The following ITPR2 variants were observed in gnomAD, a reference collection of about 807,000 sequenced individuals.
The protein encoded by ITPR2 is inositol 1,4,5-trisphosphate receptor type 2.
A neutral mutation model predicts 317.1 loss-of-function variants in ITPR2; 207 were observed. That is an observed-to-expected ratio of 0.65 (90% CI 0.58 to 0.73). The LOEUF is 0.73. Ranked by LOEUF, ITPR2 falls within the 30% of genes least tolerant of loss-of-function variation. The probability of loss-of-function intolerance (pLI) is 0.00; values close to 1 mark genes in which losing one functional copy is unlikely to be tolerated. For missense variants in ITPR2, 2,613 were observed against 3,284.0 expected (o/e 0.80, Z 4.99); for synonymous variants, 1,156 against 1,149.1 (o/e 1.01, Z -0.12).
intron 37 of ITPR2, among the ~76,000 whole-genome samples, chr12:26,549,158 TA>T (rs1944461552): frequency 6.6e-6 from 1 of 152,226 alleles, no homozygotes; most frequent in Non-Finnish European, 1.5e-5. Context: ...TATCATTTTT[TA>T]AATATGAAAG....
chr12:26,382,658 T>C (rs1939542812), intron 55 of ITPR2, among the ~76,000 whole-genome samples: 2 of 150,796 alleles, frequency 1.3e-5, no homozygotes, highest in East Asian at 1.9e-4. Flanking sequence ...GAGCAAGAAT[T>C]TGTCACACAC....
At chr12:26,592,544 T>G (rs748958362) in intron 32 of ITPR2, among the ~76,000 whole-genome samples, 1 of 152,212 alleles carries the variant, frequency 6.6e-6, no homozygotes, top group Non-Finnish European at 1.5e-5. Flanking sequence ...CAGCTACTAT[T>G]TATCCACAAA....
chr12:26,782,070 A>AGCGC lies in ITPR2; in HGVS notation c.163+8086_163+8087insGCGC, dbSNP rs1555190866. ...GAGAGAGAGAGAGAGAGAGAGAGAG[A>AGCGC]GAGCGAGAGAGATCCTATTAGTTCT... On this transcript the variant is annotated intron_variant, in intron 2 of 56. Coordinates refer to ENST00000381340, the MANE Select transcript of ITPR2 (RefSeq NM_002223.4). 1.1e-4 allele frequency among the ~76,000 whole-genome samples: 13 copies of AGCGC among 122,650 alleles called. No individual in the cohort carries two copies. The East Asian group carries it at 2.3e-3, about 22-fold the overall frequency. The allele number at this position is 122,650 out of a possible 152,430, so 80.5% of individuals were successfully genotyped here.
intron 49 of ITPR2, among the ~76,000 whole-genome samples, chr12:26,423,808 G>GA (rs978666830): frequency 1.1e-4 from 16 of 152,100 alleles, no homozygotes; most frequent in African/African-American, 3.4e-4. Flanking sequence ...TTTATAATGA[G>GA]AAAAAAACAC....
chr12:26,465,938 T>C (rs192781946), intron 45 of ITPR2, among the ~76,000 whole-genome samples: 3 of 152,288 alleles, frequency 2.0e-5, no homozygotes, highest in Admixed American at 2.0e-4. Flanking sequence ...GCTCACTACT[T>C]TATCCCCAGC....
rs1416094052 is a variant in ITPR2 at position 26,831,562 on chromosome 12, T to A, written c.92+1128A>T. Reference sequence around the variant, plus strand: ...TTGAAACAACGAGGTAACAAAAAATTTCCTGTGCATCAAAATATACTGCAG... The same window carrying A: ...TTGAAACAACGAGGTAACAAAAAATATCCTGTGCATCAAAATATACTGCAG... On this transcript the variant is annotated intron_variant, in intron 1 of 56. Transcript: ENST00000381340. The surrounding 1 kb of genome is among the most constrained non-coding windows in gnomAD (Gnocchi z 4.9). 1.3e-5 allele frequency among the ~76,000 whole-genome samples: 2 copies of A among 151,916 alleles called. No individual in the cohort carries two copies. The highest frequency in any genetic ancestry group is 2.9e-5 in the Non-Finnish European group (2 of 68,000).
At chr12:26,616,494 G>A (rs1423164471) in intron 26 of ITPR2, among the ~76,000 whole-genome samples, 1 of 151,886 alleles carries the variant, frequency 6.6e-6, no homozygotes, top group East Asian at 1.9e-4. Context: ...AACTCACAAT[G>A]GAAAAATTTT....
intron 26 of ITPR2, among the ~76,000 whole-genome samples, chr12:26,618,750 G>A (rs563725633): frequency 3.3e-5 from 5 of 152,234 alleles, no homozygotes; most frequent in South Asian, 2.1e-4. Flanking sequence ...CACCAAAACC[G>A]GGAAGAGCCC....
At chr12:26,564,483 T>C (rs1944897984) in intron 34 of ITPR2, among the ~76,000 whole-genome samples, 1 of 152,336 alleles carries the variant, frequency 6.6e-6, no homozygotes, top group African/African-American at 2.4e-5. Context: ...AAAAAGTATA[T>C]GTTGAAGTAT....
chr12:26,614,283 T>C (rs954725770), intron 26 of ITPR2, among the ~76,000 whole-genome samples: 5 of 151,868 alleles, frequency 3.3e-5, no homozygotes, highest in South Asian at 4.2e-4. Context: ...CAAATGACAA[T>C]ACTAGATCTG....
chr12:26,649,547 C>T (rs181076560), intron 21 of ITPR2: 1 of 152,244 alleles, frequency 6.6e-6, no homozygotes, highest in Non-Finnish European at 1.5e-5. Context: ...CTCCTTTAAT[C>T]TGAAACAGTT....
intron 37 of ITPR2, among the ~76,000 whole-genome samples, chr12:26,529,576 T>C (rs559148471): frequency 6.6e-6 from 1 of 152,294 alleles, no homozygotes; most frequent in East Asian, 1.9e-4. Context: ...GCAGAATAAT[T>C]TCCTATTAAA....
chr12:26,588,090 T>C (rs188946004), intron 32 of ITPR2, among the ~76,000 whole-genome samples: 3 of 152,278 alleles, frequency 2.0e-5, no homozygotes, highest in Non-Finnish European at 4.4e-5. Flanking sequence ...AAAGGGGTTA[T>C]TTTAGAGTGA....
chr12:26,671,645 C>T (rs913452971), intron 13 of ITPR2, among the ~76,000 whole-genome samples: 2 of 151,908 alleles, frequency 1.3e-5, no homozygotes, highest in East Asian at 1.9e-4. Flanking sequence ...CATCAACTAA[C>T]GAGCAAAATA....
chr12:26,423,934 C>T (rs934957338), intron 49 of ITPR2, among the ~76,000 whole-genome samples: 21 of 152,188 alleles, frequency 1.4e-4, no homozygotes, highest in African/African-American at 4.8e-4. Flanking sequence ...AAAAGAAGCA[C>T]CATAGTAAAC....
rs1040604153 is a variant in ITPR2 at position 26,632,811 on chromosome 12, G to A, written c.2741-752C>T. On this transcript the variant is annotated intron_variant, in intron 21 of 56. Transcript: ENST00000381340. ...GAATTTGGCTTCTCCTTTATTTGCT[G>A]ATAAAATGTCATCATTCGTATCATG... 2.4e-4 allele frequency among the ~76,000 whole-genome samples: 36 copies of A among 152,272 alleles called. 1 individual carries two copies. The highest frequency in any genetic ancestry group is 1.4e-3 in the South Asian group (7 of 4,830).
intron 51 of ITPR2, 128 bp from the exon 52 acceptor site, chr12:26,411,540 T>TA (rs1461173866): frequency 7.8e-6 from 5 of 637,540 alleles, no homozygotes; most frequent in Non-Finnish European, 1.3e-5. Context: ...CCTAAAGTCC[T>TA]AGGAAGTTAG....
At chr12:26,453,773 C>T (rs540466796) in intron 45 of ITPR2, among the ~76,000 whole-genome samples, 1 of 152,304 alleles carries the variant, frequency 6.6e-6, no homozygotes, top group East Asian at 1.9e-4. Context: ...CACGTCCCCT[C>T]CCACATATTT....
chr12:26,628,002 A>T lies in ITPR2; in HGVS notation c.3064+31T>A, dbSNP rs139866245. The T allele has an allele frequency of 5.9e-5, 92 of 1,552,322 alleles. No homozygotes were observed. The African/African-American group carries it at 9.7e-4, about 16-fold the overall frequency. ...TTTCAAGTTCTCAGAAAAATAAAAT[A>T]AAAAGAGTAAATACTGTCACAAAAA... On this transcript the variant is annotated intron_variant, in intron 23 of 56. Coordinates refer to ENST00000381340, the MANE Select transcript of ITPR2 (RefSeq NM_002223.4).
Sources: gnomAD v4.1 joint callset for allele counts (sites outside exome capture counted in the v4.1 genomes callset) on GRCh38, gnomAD v4.1.1 for gene constraint, Gnocchi (gnomAD v3.1) non-coding constraint, MANE v1.5 for transcripts, NCBI Gene and HGNC (gene_info 2026-07-23, HGNC 2026-07-21) for gene names.